The following HDC variants were observed in gnomAD, a reference collection of about 807,000 sequenced individuals.
HDC encodes histidine decarboxylase.
In HDC, 27 loss-of-function variants were observed where a neutral mutation model predicts 64.4. That is an observed-to-expected ratio of 0.42 (90% CI 0.31 to 0.58). The LOEUF is 0.58. Among genes scored for constraint, HDC ranks in the 20% least tolerant of loss-of-function variants. HDC has a pLI of 0.16. For missense variants in HDC, 711 were observed against 833.9 expected (o/e 0.85, Z 1.81); for synonymous variants, 305 against 314.2 (o/e 0.97, Z 0.31).
rs930965907 is a variant in HDC, at chr15:50,265,625, T to C, written c.-2A>G. On this transcript the variant is annotated 5_prime_UTR_variant, in exon 1 of 12. Transcript: ENST00000267845. ...TCTGTACTCCTCAGGCTCCATCATC[T>C]CCCTTGGGCTCTGGCTCCTTCTCAC... The C allele has an allele frequency of 1.2e-6, 2 of 1,613,706 alleles. No individual in the cohort carries two copies. Among genetic ancestry groups the C allele is most frequent in the African/African-American group, 2.7e-5 (2 of 74,870 alleles).
chr15:50,260,596 T>C (rs1220429222), intron 2 of HDC, among the ~76,000 whole-genome samples: 2 of 152,206 alleles, frequency 1.3e-5, no homozygotes, highest in African/African-American at 2.4e-5. Flanking sequence ...ATTTTCACCA[T>C]GTAAGAGTCA....
chr15:50,258,266 C>T (rs780580279), intron 3 of HDC, 138 bp downstream of exon 3: 250 of 690,316 alleles, frequency 3.6e-4, no homozygotes, highest in Non-Finnish European at 5.9e-4. Context: ...TAAAATAAAG[C>T]GTAAGCTTAA....
chr15:50,242,678 T>TGGCCTCAGCAGCCTGGACTGGAC lies in HDC; in HGVS notation c.1570_1571insGTCCAGTCCAGGCTGCTGAGGCC (p.Lys524SerfsTer19), dbSNP rs2045414790. 6.2e-7 allele frequency: 1 copy of TGGCCTCAGCAGCCTGGACTGGAC among 1,614,064 alleles called. No individual in the cohort carries two copies. The highest frequency in any genetic ancestry group is 1.1e-5 in the South Asian group (1 of 91,080). ...ACCGGCTCCCACACGCTGAGGCTGC[T>TGGCCTCAGCAGCCTGGACTGGAC]TGATGATCTTCCTGGCCTGGACTGG... On this transcript the variant is annotated frameshift_variant, in exon 12 of 12. Transcript: ENST00000267845. LOFTEE classifies it high-confidence loss of function.
intron 9 of HDC, among the ~76,000 whole-genome samples, chr15:50,251,400 T>C (rs1052951963): frequency 6.6e-6 from 1 of 152,166 alleles, no homozygotes; most frequent in African/African-American, 2.4e-5. Flanking sequence ...ACCCTATGAA[T>C]CAATGCCACT....
chr15:50,265,692 C>A lies in HDC; in HGVS notation c.-69G>T. The stretch of plus-strand genomic sequence containing the variant: ...GGTGGAAGGCGTGAAAGGCGTGGAG[C>A]AGCCCGGCTTCCCTCTTGCCAGTCC... On this transcript the variant is annotated 5_prime_UTR_variant, in exon 1 of 12. Transcript: ENST00000267845. 1 of 1,481,192 alleles carries A rather than the reference C, an allele frequency of 6.8e-7. No homozygotes were observed. The highest frequency in any genetic ancestry group is 1.1e-5 in the South Asian group (1 of 87,616). The allele number at this position is 1,481,192 out of a possible 1,614,324, so 91.8% of individuals were successfully genotyped here.
rs55859417 is a variant in HDC, at chr15:50,254,738, TTCTCTCTCTCTCTCTCTC to T, written c.442-92_442-75del. ...AAATTTCCCCAGGCTTTCTAGTTTT[TTCTCTCTCTCTCTCTCTC>T]TCTCTCTCTCTCTCTCTCTCTGTGT... On this transcript the variant is annotated intron_variant, in intron 4 of 11. Transcript: ENST00000267845. The T allele has an allele frequency of 5.9e-3, 5,101 of 865,474 alleles. 173 individuals carry two copies. In the African/African-American group the frequency reaches 0.084, roughly 14 times the overall value. 53.6% of individuals were successfully genotyped at this position (865,474 alleles called of 1,614,324 possible). A position where few individuals can be genotyped will look rare whatever the true frequency, so the allele number is the denominator to read the frequency against.
In HDC at chr15:50,250,040, C is replaced by A. The variant is rs903322003; in HGVS notation, c.1042-1697G>T. Among the ~76,000 whole-genome samples the A allele has an allele frequency of 6.6e-5, 10 of 152,308 alleles. No individual in the cohort carries two copies. The South Asian group carries it at 2.1e-3, about 32-fold the overall frequency. ...GTAAGGTCCTTGCAGGGCTCCCTTGCCAAGGCTAAGGTAACGCTCCCTCCA... is the reference window on the plus strand; with the variant it reads ...GTAAGGTCCTTGCAGGGCTCCCTTGACAAGGCTAAGGTAACGCTCCCTCCA... On this transcript the variant is annotated intron_variant, in intron 9 of 11. Transcript: ENST00000267845.
intron 1 of HDC, among the ~76,000 whole-genome samples, chr15:50,264,688 C>T (rs1352836008): frequency 6.6e-6 from 1 of 152,110 alleles, no homozygotes; most frequent in Non-Finnish European, 1.5e-5. Flanking sequence ...CAGTTTCTCC[C>T]CTCTGCATCA....
intron 7 of HDC, 176 bp downstream of exon 7, chr15:50,253,424 C>G: frequency 1.4e-6 from 1 of 692,182 alleles, no homozygotes; most frequent in East Asian, 2.7e-5. Flanking sequence ...CTGGGAAAGG[C>G]AATGTCCAGG....
At chr15:50,263,667 G>A (rs854161) in intron 1 of HDC, among the ~76,000 whole-genome samples, 34,864 of 152,014 alleles carry the variant, frequency 0.23, 4,120 homozygotes, top group Middle Eastern at 0.29. Context: ...GGGCGTGGTG[G>A]CAGGCGCATG....
Position 50,263,102 on chromosome 15 carries a change from G to C in HDC, c.204+133C>G, listed in dbSNP as rs79449800. 813 of 867,854 alleles carry C rather than the reference G, an allele frequency of 9.4e-4. 6 individuals are homozygous for C. In the African/African-American group the frequency reaches 0.012, roughly 13 times the overall value. 53.8% of individuals were successfully genotyped at this position (867,854 alleles called of 1,614,324 possible). On this transcript the variant is annotated intron_variant, in intron 2 of 11. Transcript: ENST00000267845. The stretch of plus-strand genomic sequence containing the variant: ...CTCCACATGCCTAGCAGATGGGCTG[G>C]GGTGTTGGTGGCCAAGTGGCTGAAG...
chr15:50,263,542 C>T, intron 1 of HDC, 135 bp from the exon 2 acceptor site: 1 of 802,680 alleles, frequency 1.2e-6, no homozygotes, highest in South Asian at 1.5e-5. Context: ...TGGCTCATGC[C>T]TGTAATCCCA....
intron 2 of HDC, among the ~76,000 whole-genome samples, chr15:50,259,002 T>TA (rs1228431573): frequency 8.5e-6 from 1 of 117,792 alleles, no homozygotes; most frequent in Non-Finnish European, 1.9e-5. Flanking sequence ...CTACTAAAAA[T>TA]ACCAAAAAAA....
At chr15:50,259,005 C>CA (rs11400557) in intron 2 of HDC, among the ~76,000 whole-genome samples, 66,415 of 151,390 alleles carry the variant, frequency 0.44, 14,600 homozygotes, top group East Asian at 0.47. Flanking sequence ...CTAAAAATAC[C>CA]AAAAAAATTA....
intron 2 of HDC, among the ~76,000 whole-genome samples, chr15:50,262,167 C>T (rs2045712865): frequency 6.6e-6 from 1 of 151,954 alleles, no homozygotes; most frequent in African/African-American, 2.4e-5. Context: ...GCCAGACAGG[C>T]AATGCTAGGG....
chr15:50,254,651 T>A lies in HDC; in HGVS notation c.455A>T (p.Glu152Val). 6.2e-7 allele frequency: 1 copy of A among 1,614,186 alleles called. No homozygotes were observed. Among genetic ancestry groups the A allele is most frequent in the Non-Finnish European group, 8.5e-7 (1 of 1,180,022 alleles). Reference protein sequence around the residue: ...GGGVLQSTVSESTLIALLAAR... With the variant: ...GGGVLQSTVSVSTLIALLAAR... ...TGCCAGCAGGGCAATCAAAGTGGAT[T>A]CACTGACCGTGCTCTGCAGGGGAAA... Residue 152 changes from glutamate (E) to valine (V), a missense_variant, in exon 5 of 12, where the codon GAA (glutamate) becomes GTA (valine). Coordinates refer to ENST00000267845, the MANE Select transcript of HDC (RefSeq NM_002112.4).
In HDC at chr15:50,265,606, C is replaced by T. The variant is rs557594582; in HGVS notation, c.18G>A (p.Glu6=). The part of the protein sequence containing the change: MMEPE[E]YRERGREMVD... ...CCCGTTGCTCACCTCTCTCTCTGTA[C>T]TCCTCAGGCTCCATCATCTCCCTTG... The change falls in exon 1 of 12, where the codon GAG becomes GAA. Residue 6 remains glutamate, a synonymous_variant. Coordinates refer to ENST00000267845, the MANE Select transcript of HDC (RefSeq NM_002112.4). The T allele has an allele frequency of 1.2e-6, 2 of 1,613,894 alleles. No individual in the cohort carries two copies. The highest frequency in any genetic ancestry group is 2.2e-5 in the East Asian group (1 of 44,880).
In HDC at chr15:50,263,277, C is replaced by A. The variant is rs1193352247; in HGVS notation, c.162G>T (p.Trp54Cys). Residue 54 changes from tryptophan (W) to cysteine (C), a missense_variant, in exon 2 of 12, where the codon TGG becomes TGT. Trp to Cys is a radical substitution (Grantham distance 215, BLOSUM62 -2). Coordinates refer to ENST00000267845, the MANE Select transcript of HDC (RefSeq NM_002112.4). Reference protein sequence around the residue: ...PESAPEDPDSWDSIFGDIERI... With the variant: ...PESAPEDPDSCDSIFGDIERI... Reference sequence around the variant, plus strand: ...GTTCAATGTCCCCAAAGATGCTGTCCCAGCTGTCGGGGTCCTCAGGAGCAC... The same window carrying A: ...GTTCAATGTCCCCAAAGATGCTGTCACAGCTGTCGGGGTCCTCAGGAGCAC... 1.2e-6 allele frequency: 2 copies of A among 1,614,068 alleles called. No homozygotes were observed. The highest frequency in any genetic ancestry group is 1.7e-6 in the Non-Finnish European group (2 of 1,180,040).
rs2045511385 is a variant in HDC, at chr15:50,248,378, G to T, written c.1042-35C>A. The T allele has an allele frequency of 2.0e-6, 3 of 1,486,342 alleles. No homozygotes were observed. The South Asian group carries it at 3.4e-5, about 17-fold the overall frequency. 92.1% of individuals were successfully genotyped at this position (1,486,342 alleles called of 1,614,324 possible). On this transcript the variant is annotated intron_variant, in intron 9 of 11. Coordinates refer to ENST00000267845, the MANE Select transcript of HDC (RefSeq NM_002112.4). The surrounding 1 kb of genome is among the most constrained non-coding windows in gnomAD (Gnocchi z 4.3). ...AAGGAACACAGTGCCCAAGGTTAGA[G>T]ACAAGGGTGCCCCACTCCCTCGGGC...
Sources: allele counts gnomAD v4.1 joint callset (sites outside exome capture counted in the v4.1 genomes callset), GRCh38; gene constraint gnomAD v4.1.1; non-coding constraint Gnocchi (gnomAD v3.1); transcripts MANE v1.5; gene names NCBI Gene and HGNC (gene_info 2026-07-23, HGNC 2026-07-21).